The following SPATA17 variants were observed in gnomAD, a reference collection of about 807,000 sequenced individuals.
SPATA17 encodes the protein spermatogenesis-associated protein 17.
In SPATA17, 53 loss-of-function variants were observed where a neutral mutation model predicts 62.2. That is an observed-to-expected ratio of 0.85 (90% CI 0.68 to 1.07). The LOEUF is 1.07. SPATA17 is among the 50% of genes least tolerant of loss of function. The probability of loss-of-function intolerance (pLI) is 0.00; values close to 1 mark genes in which losing one functional copy is unlikely to be tolerated. For synonymous variants in SPATA17, 146 were observed against 146.8 expected (o/e 0.99, Z 0.04); for missense variants, 466 against 425.5 (o/e 1.10, Z -0.84).
Position 217,842,017 on chromosome 1 carries a change from A to G in SPATA17, c.1006-20757A>G, listed in dbSNP as rs992647284. Among the ~76,000 whole-genome samples the G allele has an allele frequency of 5.3e-5, 8 of 151,810 alleles. No homozygotes were observed. In the South Asian group the frequency reaches 6.2e-4, roughly 12 times the overall value. On this transcript the variant is annotated intron_variant, in intron 9 of 10. Transcript: ENST00000366933. Reference sequence around the variant, plus strand: ...TCCTATGTTTTTGTTTTGCTAGGAGATTATTATTTTTAAAATCATAAGTAG... The same window carrying G: ...TCCTATGTTTTTGTTTTGCTAGGAGGTTATTATTTTTAAAATCATAAGTAG...
chr1:217,779,341 A>G (rs1673676142), intron 7 of SPATA17, among the ~76,000 whole-genome samples: 1 of 151,668 alleles, frequency 6.6e-6, no homozygotes, highest in African/African-American at 2.4e-5. Flanking sequence ...AATGATCCCT[A>G]CTAATCTATT....
At chr1:217,793,290 G>C (rs369776193) in intron 8 of SPATA17, among the ~76,000 whole-genome samples, 2 of 135,838 alleles carry the variant, frequency 1.5e-5, no homozygotes, top group East Asian at 5.1e-4. Flanking sequence ...GCACGATCTC[G>C]GCTCACTGCA....
chr1:217,667,173 G>A (rs986949943), intron 3 of SPATA17, among the ~76,000 whole-genome samples: 1 of 149,732 alleles, frequency 6.7e-6, no homozygotes, highest in Non-Finnish European at 1.5e-5. Context: ...TCAGCCTCCT[G>A]AGTAGCTGGG....
At chr1:217,847,875 TA>T (rs1363150552) in intron 9 of SPATA17, among the ~76,000 whole-genome samples, 1 of 151,798 alleles carries the variant, frequency 6.6e-6, no homozygotes, top group Admixed American at 6.6e-5. Flanking sequence ...CTACAAAAAA[TA>T]AAAAAATTAG....
At chr1:217,751,776 C>T (rs774361005) in intron 6 of SPATA17, among the ~76,000 whole-genome samples, 1 of 152,102 alleles carries the variant, frequency 6.6e-6, no homozygotes, top group African/African-American at 2.4e-5. Flanking sequence ...CAACAATTTC[C>T]GAAAGAGGCA....
intron 8 of SPATA17, among the ~76,000 whole-genome samples, chr1:217,795,362 CTTTTTT>C (rs71560537): frequency 6.8e-4 from 47 of 69,554 alleles, no homozygotes; most frequent in East Asian, 2.4e-3. Context: ...ACAAAAGTCT[CTTTTTT>C]TTTTTTTTTT....
At chr1:217,650,694 G>A (rs1346607677) in intron 2 of SPATA17, among the ~76,000 whole-genome samples, 1 of 152,196 alleles carries the variant, frequency 6.6e-6, no homozygotes, top group East Asian at 1.9e-4. Flanking sequence ...AAAGTGCTGG[G>A]ATTACGGGCA....
chr1:217,697,849 A>G (rs1671495494), intron 5 of SPATA17, among the ~76,000 whole-genome samples: 2 of 152,124 alleles, frequency 1.3e-5, no homozygotes, highest in African/African-American at 2.4e-5. Flanking sequence ...CATGACTTAA[A>G]TCTTCTTGTC....
chr1:217,697,668 A>T (rs1014219255), intron 5 of SPATA17, among the ~76,000 whole-genome samples: 1 of 151,840 alleles, frequency 6.6e-6, no homozygotes, highest in Non-Finnish European at 1.5e-5. Flanking sequence ...AGATTTTTAG[A>T]TTTTCTATAA....
intron 1 of SPATA17, among the ~76,000 whole-genome samples, chr1:217,637,874 T>A (rs1036432109): frequency 6.6e-6 from 1 of 152,164 alleles, no homozygotes; most frequent in Admixed American, 6.5e-5. Context: ...TCTGTATTAC[T>A]TTAGGCTTAA....
At chr1:217,643,555 C>T (rs1045461150) in intron 1 of SPATA17, among the ~76,000 whole-genome samples, 2 of 152,072 alleles carry the variant, frequency 1.3e-5, no homozygotes, top group Admixed American at 1.3e-4. Flanking sequence ...CAGGCTCTGA[C>T]GCCTCATGCT....
intron 6 of SPATA17, among the ~76,000 whole-genome samples, chr1:217,748,172 G>A (rs1473263354): frequency 1.3e-5 from 2 of 151,524 alleles, no homozygotes; most frequent in Non-Finnish European, 2.9e-5. Flanking sequence ...GCATGGTGGC[G>A]AGCGCCTGTA....
chr1:217,853,518 G>A (rs1675710381), intron 9 of SPATA17, among the ~76,000 whole-genome samples: 1 of 152,088 alleles, frequency 6.6e-6, no homozygotes, highest in Non-Finnish European at 1.5e-5. Context: ...CTGGTAGAAT[G>A]TACAAGTTTA....
At position 217,816,603 on chromosome 1, in the gene SPATA17, G is replaced by T. The variant is rs138825791; in HGVS notation, c.1005+14753G>T. Among the ~76,000 whole-genome samples, 106 of 151,754 alleles carry T rather than the reference G, an allele frequency of 7.0e-4. No individual in the cohort carries two copies. In the East Asian group the frequency reaches 0.019, roughly 27 times the overall value. On this transcript the variant is annotated intron_variant, in intron 9 of 10. Transcript: ENST00000366933. ...ACTTCTGAATATAAAGTTTGCTATTGGATACATAATATACATACACACAAT... is the reference window on the plus strand; with the variant it reads ...ACTTCTGAATATAAAGTTTGCTATTTGATACATAATATACATACACACAAT...
chr1:217,800,362 A>C (rs560673909), intron 8 of SPATA17, among the ~76,000 whole-genome samples: 1 of 151,232 alleles, frequency 6.6e-6, no homozygotes, highest in African/African-American at 2.5e-5. Flanking sequence ...ATATAAGTCC[A>C]AGCTGCCAGT....
chr1:217,808,449 G>A (rs1182021038), intron 9 of SPATA17, among the ~76,000 whole-genome samples: 1 of 152,058 alleles, frequency 6.6e-6, no homozygotes, highest in East Asian at 1.9e-4. Flanking sequence ...ACTGGAAAGG[G>A]TATGGGTTCC....
At chr1:217,733,935 G>T (rs1242345575) in intron 5 of SPATA17, among the ~76,000 whole-genome samples, 1 of 152,138 alleles carries the variant, frequency 6.6e-6, no homozygotes, top group Non-Finnish European at 1.5e-5. Context: ...TTTGTGAAGG[G>T]CTGCCCTAAT....
chr1:217,700,068 TATA>T (rs1037075318), intron 5 of SPATA17, among the ~76,000 whole-genome samples: 2 of 152,222 alleles, frequency 1.3e-5, no homozygotes, highest in African/African-American at 4.8e-5. Context: ...ACTGTAACTA[TATA>T]ATAAACCTTA....
chr1:217,786,750 T>TTTCCTCTTCTTCTTC (rs1673874042), intron 8 of SPATA17, among the ~76,000 whole-genome samples: 1 of 107,436 alleles, frequency 9.3e-6, no homozygotes, highest in Non-Finnish European at 1.9e-5. Flanking sequence ...TGATATTCTC[T>TTTCCTCTTCTTCTTC]TTCTTCTTCT....
Sources: gnomAD v4.1 joint callset for allele counts (sites outside exome capture counted in the v4.1 genomes callset) on GRCh38, gnomAD v4.1.1 for gene constraint, MANE v1.5 for transcripts, NCBI Gene and HGNC (gene_info 2026-07-23, HGNC 2026-07-21) for gene names.